RALY: variants seen among roughly 807,000 people sequenced by gnomAD.
RALY encodes the protein RALY heterogeneous nuclear ribonucleoprotein.
RALY carries 15 observed loss-of-function variants against 30.7 expected under a neutral mutation model. The observed-to-expected ratio is 0.49, with a 90% CI of 0.33 to 0.75. The LOEUF is 0.75. RALY is among the 30% of genes least tolerant of loss of function. The pLI is 0.02. For missense variants in RALY, 339 were observed against 414.3 expected (o/e 0.82, Z 1.58); for synonymous variants, 177 against 170.8 (o/e 1.04, Z -0.28).
At chr20:34,028,297 AAAAG>A (rs1032289302) in intron 1 of RALY, among the ~76,000 whole-genome samples, 4 of 151,992 alleles carry the variant, frequency 2.6e-5, no homozygotes, top group Admixed American at 2.0e-4. Flanking sequence ...AAAAAAAAAA[AAAAG>A]AAATCTTATA....
intron 1 of RALY, among the ~76,000 whole-genome samples, chr20:34,025,899 G>GTTTTTTTTTTTTT (rs35827160): frequency 1.6e-4 from 12 of 75,906 alleles, no homozygotes; most frequent in Non-Finnish European, 1.9e-4. Flanking sequence ...ATTCCTGGTT[G>GTTTTTTTTTTTTT]TTTTTTTTTT....
chr20:34,004,600 A>G (rs962704335), intron 1 of RALY, among the ~76,000 whole-genome samples: 1 of 152,246 alleles, frequency 6.6e-6, no homozygotes, highest in African/African-American at 2.4e-5. Flanking sequence ...ATACCTTCTC[A>G]TAGCCTCTCA....
At chr20:34,047,865 C>T (rs1032501289) in intron 2 of RALY, among the ~76,000 whole-genome samples, 3 of 152,098 alleles carry the variant, frequency 2.0e-5, no homozygotes, top group Non-Finnish European at 2.9e-5. Flanking sequence ...ATAGCAGCAA[C>T]GTCAGCACTG....
At chr20:34,011,352 AT>A (rs1292377750) in intron 1 of RALY, among the ~76,000 whole-genome samples, 2 of 152,172 alleles carry the variant, frequency 1.3e-5, no homozygotes, top group Admixed American at 1.3e-4. Flanking sequence ...TAGAAATCTA[AT>A]TTTTTTAAAA....
chr20:34,006,424 C>T (rs768632101), intron 1 of RALY, among the ~76,000 whole-genome samples: 4 of 152,098 alleles, frequency 2.6e-5, no homozygotes, highest in East Asian at 1.9e-4. Context: ...TCCAGATGAT[C>T]GTGTTCAAAT....
At chr20:34,003,687 T>C (rs2031028583) in intron 1 of RALY, among the ~76,000 whole-genome samples, 1 of 142,390 alleles carries the variant, frequency 7.0e-6, no homozygotes, top group African/African-American at 2.8e-5. Flanking sequence ...TCGCCCAGGC[T>C]GGAGTGCAGT....
At chr20:34,068,084 A>G (rs138771355) in intron 2 of RALY, among the ~76,000 whole-genome samples, 1 of 152,110 alleles carries the variant, frequency 6.6e-6, no homozygotes, top group East Asian at 1.9e-4. Flanking sequence ...CTGACATTGC[A>G]GAAGTCTCTA....
chr20:34,070,158 G>A (rs1233994301), intron 2 of RALY, among the ~76,000 whole-genome samples: 1 of 152,146 alleles, frequency 6.6e-6, no homozygotes, highest in Non-Finnish European at 1.5e-5. Context: ...AAAATATTAG[G>A]TAAATAGGTT....
chr20:34,077,053 T>TGGCGCC lies in RALY; in HGVS notation c.689_694dup (p.Ala230_Gly231dup). ...ATGGCAAGAAGAAGGGTGATGGAGG[T>TGGCGCC]GGCGCCGGCGGCGGCGGCGGTGGTG... On this transcript the variant is annotated inframe_insertion, in exon 8 of 10. Transcript: ENST00000246194. 6.7e-7 allele frequency: 1 copy of TGGCGCC among 1,493,334 alleles called. No individual in the cohort carries two copies. The highest frequency in any genetic ancestry group is 8.9e-7 in the Non-Finnish European group (1 of 1,120,166). The allele number at this position is 1,493,334 out of a possible 1,614,324, so 92.5% of individuals were successfully genotyped here.
chr20:34,016,815 G>A (rs557290070), intron 1 of RALY, among the ~76,000 whole-genome samples: 3 of 152,226 alleles, frequency 2.0e-5, no homozygotes, highest in Non-Finnish European at 4.4e-5. Context: ...GGCATTTTAG[G>A]GCATTTGGCC....
intron 2 of RALY, among the ~76,000 whole-genome samples, chr20:34,052,991 T>A (rs2033127491): frequency 6.6e-6 from 1 of 152,172 alleles, no homozygotes; most frequent in Non-Finnish European, 1.5e-5. Flanking sequence ...GGGGCTATCC[T>A]TGCATTTTAC....
chr20:34,070,481 T>A (rs2033696160), intron 2 of RALY, among the ~76,000 whole-genome samples: 1 of 152,150 alleles, frequency 6.6e-6, no homozygotes, highest in African/African-American at 2.4e-5. Context: ...TGCAGTCTCA[T>A]CTCTAAGCCA....
At chr20:34,006,695 G>T (rs1348694746) in intron 1 of RALY, among the ~76,000 whole-genome samples, 2 of 151,952 alleles carry the variant, frequency 1.3e-5, no homozygotes, top group African/African-American at 4.8e-5. Context: ...TGTTACAGTT[G>T]CCTACAGTAT....
At chr20:34,054,815 C>CAAAA (rs771028871) in intron 2 of RALY, among the ~76,000 whole-genome samples, 1 of 110,790 alleles carries the variant, frequency 9.0e-6, no homozygotes, top group African/African-American at 3.0e-5. Flanking sequence ...GAGACTGTCT[C>CAAAA]AAAAAAAAAA....
At chr20:34,065,593 A>T (rs2033547648) in intron 2 of RALY, among the ~76,000 whole-genome samples, 1 of 152,220 alleles carries the variant, frequency 6.6e-6, no homozygotes, top group African/African-American at 2.4e-5. Flanking sequence ...TGGCCAGTTT[A>T]ATGAGATTAA....
intron 2 of RALY, among the ~76,000 whole-genome samples, chr20:34,060,869 GA>G (rs1461484235): frequency 6.6e-6 from 1 of 152,164 alleles, no homozygotes; most frequent in Non-Finnish European, 1.5e-5. Flanking sequence ...AAAATTTGAC[GA>G]CGCACATGGA....
chr20:34,069,708 T>G (rs2033673251), intron 2 of RALY, among the ~76,000 whole-genome samples: 1 of 152,190 alleles, frequency 6.6e-6, no homozygotes, highest in Non-Finnish European at 1.5e-5. Flanking sequence ...GAAAAACATG[T>G]ATTGAGCATT....
chr20:34,032,946 T>C (rs2032340670), intron 2 of RALY, among the ~76,000 whole-genome samples: 1 of 151,950 alleles, frequency 6.6e-6, no homozygotes. Flanking sequence ...CTCTGAGCAG[T>C]GGTATTTCTA....
chr20:34,010,655 C>G (rs905938164), intron 1 of RALY, among the ~76,000 whole-genome samples: 1 of 152,146 alleles, frequency 6.6e-6, no homozygotes, highest in Non-Finnish European at 1.5e-5. Flanking sequence ...ACAACTGATC[C>G]TGATTTTCCA....
Sources: gnomAD v4.1 joint callset for allele counts (sites outside exome capture counted in the v4.1 genomes callset) on GRCh38, gnomAD v4.1.1 for gene constraint, MANE v1.5 for transcripts, NCBI Gene and HGNC (gene_info 2026-07-23, HGNC 2026-07-21) for gene names.